Variants in LRMDA observed in about 807,000 individuals in gnomAD.
The protein encoded by LRMDA is leucine-rich melanocyte differentiation-associated protein.
In LRMDA, 18 loss-of-function variants were observed where a neutral mutation model predicts 29.8. That is an observed-to-expected ratio of 0.60 (90% CI 0.42 to 0.90). The LOEUF is 0.90. Ranked by LOEUF, LRMDA falls within the 40% of genes least tolerant of loss-of-function variation. LRMDA has a pLI of 0.00. For synonymous variants in LRMDA, 125 were observed against 109.4 expected (o/e 1.14, Z -0.89); for missense variants, 273 against 273.9 (o/e 1.00, Z 0.02).
At chr10:75,679,798 T>C (rs925633016) in intron 2 of LRMDA, among the ~76,000 whole-genome samples, 1 of 152,358 alleles carries the variant, frequency 6.6e-6, no homozygotes, top group South Asian at 2.1e-4. Flanking sequence ...CAAATCCTAC[T>C]TCTGATGTGG....
intron 2 of LRMDA, among the ~76,000 whole-genome samples, chr10:75,710,749 C>G (rs1187065357): frequency 6.6e-6 from 1 of 152,218 alleles, no homozygotes; most frequent in Non-Finnish European, 1.5e-5. Context: ...GACTGAAACG[C>G]AGGGAGGTCT....
intron 5 of LRMDA, among the ~76,000 whole-genome samples, chr10:76,074,295 A>G (rs1302515736): frequency 6.6e-6 from 1 of 152,184 alleles, no homozygotes; most frequent in Non-Finnish European, 1.5e-5. Flanking sequence ...CACTAAACCT[A>G]TAATCTTTTT....
intron 2 of LRMDA, among the ~76,000 whole-genome samples, chr10:75,799,786 T>A (rs1320684009): frequency 1.3e-5 from 2 of 151,766 alleles, no homozygotes; most frequent in African/African-American, 4.8e-5. Flanking sequence ...CCTCAAGTGA[T>A]CCGCTCACCT....
intron 5 of LRMDA, among the ~76,000 whole-genome samples, chr10:76,121,851 A>G (rs574920255): frequency 1.2e-4 from 19 of 152,246 alleles, no homozygotes; most frequent in Non-Finnish European, 2.4e-4. Context: ...TCTAAATTCT[A>G]TGGTTCCCAT....
At chr10:76,388,470 A>C (rs1841686334) in intron 6 of LRMDA, among the ~76,000 whole-genome samples, 1 of 152,232 alleles carries the variant, frequency 6.6e-6, no homozygotes, top group Admixed American at 6.5e-5. Context: ...AGGAGGACCC[A>C]CAGATGAGGA....
intron 5 of LRMDA, among the ~76,000 whole-genome samples, chr10:76,312,752 C>T (rs7079500): frequency 0.036 from 5,481 of 151,598 alleles, 282 homozygotes; most frequent in African/African-American, 0.11. Context: ...ACAATTTTTG[C>T]TCCCAGAAGG....
chr10:76,410,835 T>TC (rs1335500013), intron 6 of LRMDA, among the ~76,000 whole-genome samples: 1 of 152,076 alleles, frequency 6.6e-6, no homozygotes. Flanking sequence ...GCGCCTGTAA[T>TC]CCCAGCAGGC....
intron 2 of LRMDA, among the ~76,000 whole-genome samples, chr10:76,014,476 A>G (rs1175441634): frequency 5.9e-5 from 9 of 152,110 alleles, no homozygotes; most frequent in Non-Finnish European, 1.3e-4. Flanking sequence ...ATCTGTTTCT[A>G]GGAACTCCAG....
In LRMDA at chr10:75,752,208, C is replaced by CTTT. The variant is rs780364065; in HGVS notation, c.132-283780_132-283778dup. On this transcript the variant is annotated intron_variant, in intron 2 of 6. Transcript: ENST00000611255. Reference sequence around the variant, plus strand: ...ATTATGGGAGTGATATAACGTGTCTCTTTTTTTTTTTTTTTTTTTTTTGAG... The same window carrying CTTT: ...ATTATGGGAGTGATATAACGTGTCTCTTTTTTTTTTTTTTTTTTTTTTTTTGAG... Among the ~76,000 whole-genome samples, 299 of 113,094 alleles carry CTTT rather than the reference C, an allele frequency of 2.6e-3. 3 individuals carry two copies. The highest frequency in any genetic ancestry group is 3.2e-3 in the African/African-American group (91 of 28,782). The allele number at this position is 113,094 out of a possible 152,430, so 74.2% of individuals were successfully genotyped here.
chr10:75,594,765 ATAT>A, intron 2 of LRMDA, among the ~76,000 whole-genome samples: 1 of 152,352 alleles, frequency 6.6e-6, no homozygotes, highest in Middle Eastern at 3.4e-3. Flanking sequence ...GTTAACAAAA[ATAT>A]TATTCATCAT....
intron 5 of LRMDA, among the ~76,000 whole-genome samples, chr10:76,222,185 TTACC>T (rs1851855688): frequency 6.6e-6 from 1 of 152,006 alleles, no homozygotes; most frequent in African/African-American, 2.4e-5. Flanking sequence ...AACCTAGGCA[TTACC>T]ATTCAGGACA....
chr10:75,746,375 T>G (rs1485180902), intron 2 of LRMDA, among the ~76,000 whole-genome samples: 1 of 152,222 alleles, frequency 6.6e-6, no homozygotes, highest in Non-Finnish European at 1.5e-5. Context: ...GTAAAACTAC[T>G]TAAAATTGTT....
intron 2 of LRMDA, among the ~76,000 whole-genome samples, chr10:75,714,261 T>C (rs964361601): frequency 6.6e-6 from 1 of 152,208 alleles, no homozygotes; most frequent in South Asian, 2.1e-4. Context: ...GCATAGATTA[T>C]CTATCACTCT....
At chr10:75,934,950 C>T (rs1589258622) in intron 2 of LRMDA, among the ~76,000 whole-genome samples, 1 of 152,064 alleles carries the variant, frequency 6.6e-6, no homozygotes, top group Admixed American at 6.6e-5. Flanking sequence ...CGGAGATTTC[C>T]CTCTTGGGCT....
At chr10:76,172,888 A>G (rs11001665) in intron 5 of LRMDA, among the ~76,000 whole-genome samples, 3,796 of 152,354 alleles carry the variant, frequency 0.025, 167 homozygotes, top group East Asian at 0.19. Flanking sequence ...GATTTATAAT[A>G]TCTGGCATCA....
chr10:75,641,650 C>T lies in LRMDA; in HGVS notation c.131+203156C>T, dbSNP rs73278974. ...AGACGGGGTTTTGTCATGTTGCCTA[C>T]GCTGGTCTGGAATTCCTGGGCTCAA... On this transcript the variant is annotated intron_variant, in intron 2 of 6. Transcript: ENST00000611255. Among the ~76,000 whole-genome samples, 935 of 151,840 alleles carry T rather than the reference C, an allele frequency of 6.2e-3. 13 individuals are homozygous for T. The highest frequency in any genetic ancestry group is 0.021 in the African/African-American group (862 of 41,374).
intron 5 of LRMDA, among the ~76,000 whole-genome samples, chr10:76,091,532 A>C (rs1202472943): frequency 1.3e-5 from 2 of 151,942 alleles, no homozygotes; most frequent in Non-Finnish European, 2.9e-5. Context: ...TGTATACCTC[A>C]CTTCTTGTTA....
intron 2 of LRMDA, 137 bp downstream of exon 2, chr10:75,438,631 C>A: frequency 1.5e-6 from 1 of 659,226 alleles, no homozygotes. Flanking sequence ...CTCTGAGATG[C>A]GTGGAATCAC....
chr10:76,435,468 G>T (rs1394547065), intron 6 of LRMDA, among the ~76,000 whole-genome samples: 1 of 152,204 alleles, frequency 6.6e-6, no homozygotes, highest in East Asian at 1.9e-4. Flanking sequence ...CTGTGGAGGG[G>T]ACTGAGAAGG....
Sources: gnomAD v4.1 joint callset for allele counts (sites outside exome capture counted in the v4.1 genomes callset) on GRCh38, gnomAD v4.1.1 for gene constraint, MANE v1.5 for transcripts, NCBI Gene and HGNC (gene_info 2026-07-23, HGNC 2026-07-21) for gene names.